The following FOXO3 variants were observed in gnomAD, a reference collection of about 807,000 sequenced individuals.
FOXO3 encodes forkhead box protein O3.
Under a neutral mutation model 41.9 loss-of-function variants are expected in FOXO3, and 4 were observed. That is an observed-to-expected ratio of 0.10 (90% CI 0.05 to 0.22). The LOEUF (loss-of-function observed/expected upper bound fraction) is 0.22. FOXO3 is among the 10% of genes least tolerant of loss of function. The probability of loss-of-function intolerance (pLI) is 1.00; values close to 1 mark genes in which losing one functional copy is unlikely to be tolerated. For synonymous variants in FOXO3, 318 were observed against 389.3 expected (o/e 0.82, Z 2.16); for missense variants, 534 against 906.8 (o/e 0.59, Z 5.28).
At chr6:108,600,905 C>T (rs891623928) in intron 1 of FOXO3, among the ~76,000 whole-genome samples, 1 of 152,162 alleles carries the variant, frequency 6.6e-6, no homozygotes, top group African/African-American at 2.4e-5. Flanking sequence ...ATCTAGTTCC[C>T]CTTGTGTTAA....
intron 1 of FOXO3, among the ~76,000 whole-genome samples, chr6:108,564,861 C>A (rs981225451): frequency 6.6e-6 from 1 of 151,830 alleles, no homozygotes; most frequent in African/African-American, 2.4e-5. Flanking sequence ...CTAGTTCAAC[C>A]CTCTTATTTT....
rs569250228 is a variant in FOXO3 at position 108,577,624 on chromosome 6, C to T, written c.621+15795C>T. On this transcript the variant is annotated intron_variant, in intron 1 of 2. Transcript: ENST00000406360. The stretch of plus-strand genomic sequence containing the variant: ...TAGGTCAGAATCTCTAGGTATGGGG[C>T]CTGGGCATCTATGTTTTTTAAGCTT... Among the ~76,000 whole-genome samples the T allele has an allele frequency of 1.6e-4, 25 of 152,272 alleles. No homozygotes were observed. The South Asian group carries it at 5.2e-3, about 32-fold the overall frequency.
intron 1 of FOXO3, among the ~76,000 whole-genome samples, chr6:108,576,722 C>T (rs954853831): frequency 6.6e-6 from 1 of 152,160 alleles, no homozygotes; most frequent in Admixed American, 6.5e-5. Context: ...TCTGGGCCCC[C>T]AGTGTTTGCC....
At chr6:108,636,937 C>T (rs1200544511) in intron 1 of FOXO3, among the ~76,000 whole-genome samples, 3 of 152,128 alleles carry the variant, frequency 2.0e-5, no homozygotes, top group African/African-American at 7.2e-5. Flanking sequence ...TTTAAATCCC[C>T]CTGTTCCGAA....
rs189054233 is a variant in FOXO3, at chr6:108,669,107, C to T, written c.*34+4218C>T. On this transcript the variant is annotated intron_variant, in intron 2 of 2. Transcript: ENST00000406360. ...CAGCCTGGGTGACAGAGCAAGACTCCGTCTCAAAAAATAAAAAAAATAAAA... is the reference window on the plus strand; with the variant it reads ...CAGCCTGGGTGACAGAGCAAGACTCTGTCTCAAAAAATAAAAAAAATAAAA... Among the ~76,000 whole-genome samples the T allele has an allele frequency of 1.5e-3, 223 of 151,908 alleles. 1 individual carries two copies. Among genetic ancestry groups the T allele is most frequent in the African/African-American group, 5.2e-3 (217 of 41,402 alleles).
intron 1 of FOXO3, among the ~76,000 whole-genome samples, chr6:108,642,681 C>T (rs943068189): frequency 1.3e-5 from 2 of 152,202 alleles, no homozygotes; most frequent in African/African-American, 2.4e-5. Flanking sequence ...CGGCAGCTCT[C>T]ATCCAATTCA....
intron 1 of FOXO3, among the ~76,000 whole-genome samples, chr6:108,611,552 C>T (rs969364084): frequency 8.5e-5 from 13 of 152,174 alleles, no homozygotes; most frequent in Non-Finnish European, 1.5e-4. Flanking sequence ...TTTTACTTTT[C>T]TCCATTGTAT....
intron 1 of FOXO3, among the ~76,000 whole-genome samples, chr6:108,609,050 T>G (rs1397536122): frequency 6.6e-6 from 1 of 152,222 alleles, no homozygotes; most frequent in Non-Finnish European, 1.5e-5. Flanking sequence ...TTGGTTGGTT[T>G]CGCCTTAATC....
intron 1 of FOXO3, among the ~76,000 whole-genome samples, chr6:108,632,741 A>G (rs1429806014): frequency 6.6e-6 from 1 of 152,180 alleles, no homozygotes; most frequent in Admixed American, 6.5e-5. Flanking sequence ...TTATAGATGT[A>G]GAGAAGCCAA....
chr6:108,585,615 C>G (rs1776560717), intron 1 of FOXO3, among the ~76,000 whole-genome samples: 1 of 152,188 alleles, frequency 6.6e-6, no homozygotes, highest in Admixed American at 6.5e-5. Context: ...GGGCTGGGCT[C>G]TTGATCCTGA....
chr6:108,591,699 A>G (rs1776736535), intron 1 of FOXO3, among the ~76,000 whole-genome samples: 1 of 152,126 alleles, frequency 6.6e-6, no homozygotes, highest in South Asian at 2.1e-4. Context: ...TTTCCATTTG[A>G]TTGAGCCAGT....
At chr6:108,621,313 G>A (rs1442892921) in intron 1 of FOXO3, among the ~76,000 whole-genome samples, 1 of 152,148 alleles carries the variant, frequency 6.6e-6, no homozygotes, top group East Asian at 1.9e-4. Flanking sequence ...GCCTGTGTGA[G>A]TAAGCCCGCT....
intron 1 of FOXO3, among the ~76,000 whole-genome samples, chr6:108,586,265 C>T (rs1282484113): frequency 6.6e-6 from 1 of 152,174 alleles, no homozygotes; most frequent in Non-Finnish European, 1.5e-5. Flanking sequence ...CAAAAAGGGA[C>T]ATAAGATTAG....
intron 1 of FOXO3, among the ~76,000 whole-genome samples, chr6:108,563,513 A>C (rs1307486323): frequency 6.6e-6 from 1 of 152,222 alleles, no homozygotes; most frequent in Non-Finnish European, 1.5e-5. Flanking sequence ...ATCAGTGTAT[A>C]GTATCAGGAA....
intron 1 of FOXO3, among the ~76,000 whole-genome samples, chr6:108,564,733 A>G (rs1701708110): frequency 6.6e-6 from 1 of 152,040 alleles, no homozygotes; most frequent in South Asian, 2.1e-4. Flanking sequence ...ACAAATACCC[A>G]GAGAATTTGA....
intron 2 of FOXO3, among the ~76,000 whole-genome samples, chr6:108,665,812 G>GA (rs34062396): frequency 0.51 from 64,284 of 125,216 alleles, 18,672 homozygotes; most frequent in East Asian, 0.68. Context: ...CTATCTCTTA[G>GA]AAAAAAAAAA....
At chr6:108,627,178 C>G (rs1021676235) in intron 1 of FOXO3, among the ~76,000 whole-genome samples, 4 of 152,170 alleles carry the variant, frequency 2.6e-5, no homozygotes, top group Non-Finnish European at 4.4e-5. Context: ...TCAGACTGTC[C>G]TAGTCTGCCC....
At chr6:108,610,361 G>A (rs1201041647) in intron 1 of FOXO3, among the ~76,000 whole-genome samples, 1 of 152,098 alleles carries the variant, frequency 6.6e-6, no homozygotes, top group Non-Finnish European at 1.5e-5. Flanking sequence ...CTGGCCACAG[G>A]AAAATTTGCC....
chr6:108,652,698 G>A (rs530401747), intron 1 of FOXO3, among the ~76,000 whole-genome samples: 32 of 152,356 alleles, frequency 2.1e-4, no homozygotes, highest in Admixed American at 1.4e-3. Flanking sequence ...CAAGCACAGA[G>A]CATTGGCCCT....
Sources: allele counts gnomAD v4.1 joint callset (sites outside exome capture counted in the v4.1 genomes callset), GRCh38; gene constraint gnomAD v4.1.1; transcripts MANE v1.5; gene names NCBI Gene and HGNC (gene_info 2026-07-23, HGNC 2026-07-21).